Variants in IMPACT observed in about 807,000 individuals in gnomAD.
IMPACT encodes impact RWD domain protein, also known as protein IMPACT.
IMPACT carries 35 observed loss-of-function variants against 47.5 expected under a neutral mutation model. The observed-to-expected ratio is 0.74, with a 90% CI of 0.56 to 0.98. The LOEUF (loss-of-function observed/expected upper bound fraction) is 0.98, where lower values mean the gene tolerates loss of function less well. IMPACT is among the 50% of genes least tolerant of loss of function. The probability of loss-of-function intolerance (pLI) is 0.00; values close to 1 mark genes in which losing one functional copy is unlikely to be tolerated. For missense variants in IMPACT, 373 were observed against 394.8 expected, an observed-to-expected ratio of 0.94 and a Z score of 0.47; for synonymous variants, 118 against 125.6, an observed-to-expected ratio of 0.94 and a Z score of 0.40.
At chr18:24,433,757 G>T (rs549724046) in intron 4 of IMPACT, among the ~76,000 whole-genome samples, 1 of 140,886 alleles carries the variant, frequency 7.1e-6, no homozygotes, top group African/African-American at 2.7e-5. Flanking sequence ...TGCAACCTCC[G>T]CCTCCCAGGT....
Position 24,449,837 on chromosome 18 carries a change from G to T in IMPACT, c.778G>T (p.Val260Phe), listed in dbSNP as rs767855847. ...ATAACAGATTTTGAATGTGAAGAATGTCATGGTGGTAGTATCACGCTGGTA... is the reference window on the plus strand; with the variant it reads ...ATAACAGATTTTGAATGTGAAGAATTTCATGGTGGTAGTATCACGCTGGTA... ...HLMEILNVKNVMVVVSRWYGG... is the reference protein window; with the variant it reads ...HLMEILNVKNFMVVVSRWYGG... Residue 260 changes from valine (V) to phenylalanine (F), a missense_variant, in exon 10 of 11, where the codon GTC (valine) becomes TTC (phenylalanine). Physicochemically the swap from Val to Phe is conservative, Grantham distance 50. Coordinates refer to ENST00000284202, the MANE Select transcript of IMPACT (RefSeq NM_018439.4). 1.9e-6 allele frequency: 3 copies of T among 1,612,658 alleles called. No individual in the cohort carries two copies. The highest frequency in any genetic ancestry group is 2.5e-6 in the Non-Finnish European group (3 of 1,179,368).
At position 24,434,341 on chromosome 18, in the gene IMPACT, A is replaced by G. The variant is rs147309459; in HGVS notation, c.282-3614A>G. ...AGAGTGAGACTCTGTCTCAAAAATA[A>G]ATATATAAAAAGTAAGCCTGTGAAG... On this transcript the variant is annotated intron_variant, in intron 4 of 10. Transcript: ENST00000284202. 8.6e-3 allele frequency among the ~76,000 whole-genome samples: 1,305 copies of G among 152,246 alleles called. 6 individuals carry two copies. Among genetic ancestry groups the G allele is most frequent in the Non-Finnish European group, 0.013 (894 of 68,012 alleles).
At chr18:24,433,330 G>A (rs1210136694) in intron 4 of IMPACT, among the ~76,000 whole-genome samples, 1 of 149,620 alleles carries the variant, frequency 6.7e-6, no homozygotes, top group Non-Finnish European at 1.5e-5. Context: ...CTCCCGAGTA[G>A]CTGGGACTAC....
intron 7 of IMPACT, among the ~76,000 whole-genome samples, chr18:24,444,589 G>A (rs1909201612): frequency 6.6e-6 from 1 of 152,074 alleles, no homozygotes; most frequent in South Asian, 2.1e-4. Context: ...TTGTAATATG[G>A]CCCTAGCTTA....
At chr18:24,450,423 T>G (rs970700354) in intron 10 of IMPACT, among the ~76,000 whole-genome samples, 5 of 152,184 alleles carry the variant, frequency 3.3e-5, no homozygotes, top group Admixed American at 6.5e-5. Context: ...TTATTTTGTT[T>G]TATATTTTAG....
chr18:24,452,303 T>G lies in IMPACT; in HGVS notation c.*1456T>G, dbSNP rs1375012889. On this transcript the variant is annotated 3_prime_UTR_variant, in exon 11 of 11. Transcript: ENST00000284202. ...TATTTGTTATAACTATATTTTATGTTGTATGTTATCAGGAGCCATCAGAGA... is the reference window on the plus strand; with the variant it reads ...TATTTGTTATAACTATATTTTATGTGGTATGTTATCAGGAGCCATCAGAGA... 4 of 152,208 alleles carry G rather than the reference T, an allele frequency of 2.6e-5. No homozygotes were observed. The highest frequency in any genetic ancestry group is 9.7e-5 in the African/African-American group (4 of 41,450). 9.4% of individuals were successfully genotyped at this position (152,208 alleles called of 1,614,324 possible). A position where few individuals can be genotyped will look rare whatever the true frequency, so the allele number is the denominator to read the frequency against.
Position 24,450,050 on chromosome 18 carries a change from G to A in IMPACT, c.894+97G>A, listed in dbSNP as rs141052709. On this transcript the variant is annotated intron_variant, in intron 10 of 10. Transcript: ENST00000284202. The stretch of plus-strand genomic sequence containing the variant: ...ATTAAGAATGAATCAGAATGTGAGT[G>A]GTGAATTGGTAAAACCTTTGGACTC... 16 of 1,311,544 alleles carry A rather than the reference G, an allele frequency of 1.2e-5. No homozygotes were observed. The African/African-American group carries it at 2.0e-4, about 17-fold the overall frequency. The allele number at this position is 1,311,544 out of a possible 1,614,324, so 81.2% of individuals were successfully genotyped here.
In IMPACT at chr18:24,449,690, C is replaced by T. The variant is rs1020290932; in HGVS notation, c.760-129C>T. ...ACTCAGTGCCTACTCACTCATATGG[C>T]TCTACCATTAAAGTCACTGGGAAAT... is the stretch of plus-strand genomic sequence containing the variant. On this transcript the variant is annotated intron_variant, in intron 9 of 10. Transcript: ENST00000284202. The T allele has an allele frequency of 4.1e-6, 3 of 733,752 alleles. No homozygotes were observed. In the Admixed American group the frequency reaches 7.0e-5, roughly 17 times the overall value. The allele number at this position is 733,752 out of a possible 1,614,324, so 45.5% of individuals were successfully genotyped here.
Position 24,434,844 on chromosome 18 carries a change from GTGTGTATATATATGTGTATATATA to G in IMPACT, c.282-3069_282-3046del, listed in dbSNP as rs59404866. Among the ~76,000 whole-genome samples the G allele has an allele frequency of 5.4e-5, 7 of 128,886 alleles. 1 individual carries two copies. The East Asian group carries it at 6.1e-4, about 11-fold the overall frequency. 84.6% of individuals were successfully genotyped at this position (128,886 alleles called of 152,430 possible). ...GTGTATTATATAAGTGTATATATAT[GTGTGTATATATATGTGTATATATA>G]TGTGTATATATATGTGTATATATAT... is the stretch of plus-strand genomic sequence containing the variant. On this transcript the variant is annotated intron_variant, in intron 4 of 10. Coordinates refer to ENST00000284202, the MANE Select transcript of IMPACT (RefSeq NM_018439.4).
At chr18:24,438,106 C>G (rs1204171657) in intron 5 of IMPACT, 66 bp downstream of exon 5, 1 of 722,180 alleles carries the variant, frequency 1.4e-6, no homozygotes, top group Non-Finnish European at 2.4e-6. Flanking sequence ...TGTAGATACT[C>G]TAGTTGAAAT....
At chr18:24,446,723 A>C (rs1404464361) in intron 8 of IMPACT, among the ~76,000 whole-genome samples, 1 of 152,206 alleles carries the variant, frequency 6.6e-6, no homozygotes, top group Non-Finnish European at 1.5e-5. Context: ...TTTGTTATGT[A>C]ATTCCCCTCT....
chr18:24,429,966 A>G (rs1568084957), intron 3 of IMPACT, among the ~76,000 whole-genome samples: 2 of 151,854 alleles, frequency 1.3e-5, no homozygotes, highest in Non-Finnish European at 2.9e-5. Flanking sequence ...TTTAGTAGAG[A>G]CGGGGTTTCG....
chr18:24,439,360 G>A lies in IMPACT; in HGVS notation c.368-1136G>A, dbSNP rs546997761. 1.9e-3 allele frequency among the ~76,000 whole-genome samples: 291 copies of A among 152,208 alleles called. 1 individual carries two copies. The highest frequency in any genetic ancestry group is 3.5e-3 in the East Asian group (18 of 5,170). On this transcript the variant is annotated intron_variant, in intron 5 of 10. Transcript: ENST00000284202. ...AGCCTGGCCAACATGGTGAAACCCC[G>A]TCTCTACTAAAAATACAAGAATTAC...
chr18:24,446,071 A>G (rs995673487), intron 8 of IMPACT, among the ~76,000 whole-genome samples: 4 of 152,092 alleles, frequency 2.6e-5, no homozygotes, highest in African/African-American at 9.7e-5. Flanking sequence ...AATTTCTTGC[A>G]AAGGTTTTGT....
In IMPACT at chr18:24,426,726, G is replaced by C. The variant is rs936935773; in HGVS notation, c.-31G>C. 36 of 1,245,132 alleles carry C rather than the reference G, an allele frequency of 2.9e-5. No individual in the cohort carries two copies. The highest frequency in any genetic ancestry group is 3.1e-5 in the African/African-American group (2 of 64,396). 77.1% of individuals were successfully genotyped at this position (1,245,132 alleles called of 1,614,324 possible). A position where few individuals can be genotyped will look rare whatever the true frequency, so the allele number is the denominator to read the frequency against. ...CGCCCCCGCGCTCCGGACCTGGCAGGCGGCGGCTGCAGGGCAGGTCCAGGG... is the reference window on the plus strand; with the variant it reads ...CGCCCCCGCGCTCCGGACCTGGCAGCCGGCGGCTGCAGGGCAGGTCCAGGG... On this transcript the variant is annotated 5_prime_UTR_variant, in exon 1 of 11. Transcript: ENST00000284202.
chr18:24,429,243 G>T (rs1007407294), intron 3 of IMPACT, among the ~76,000 whole-genome samples: 1 of 152,080 alleles, frequency 6.6e-6, no homozygotes, highest in Non-Finnish European at 1.5e-5. Flanking sequence ...TCCTAACCTA[G>T]ATCTCCTGAC....
At chr18:24,450,406 T>C (rs552296448) in intron 10 of IMPACT, among the ~76,000 whole-genome samples, 1 of 152,182 alleles carries the variant, frequency 6.6e-6, no homozygotes, top group Non-Finnish European at 1.5e-5. Context: ...TCCTTTATAC[T>C]TTGAGTTTAT....
At chr18:24,436,499 G>C (rs954487249) in intron 4 of IMPACT, among the ~76,000 whole-genome samples, 1 of 150,188 alleles carries the variant, frequency 6.7e-6, no homozygotes, top group African/African-American at 2.4e-5. Context: ...CTCCTACGGT[G>C]CTGAGATTAC....
intron 7 of IMPACT, among the ~76,000 whole-genome samples, 159 bp from the exon 8 acceptor site, chr18:24,445,233 TA>T (rs1228002152): frequency 2.6e-5 from 4 of 152,170 alleles, no homozygotes; most frequent in African/African-American, 9.6e-5. Flanking sequence ...TCTCTGCCCC[TA>T]AAATGAGAAG....
Sources: gnomAD v4.1 joint callset for allele counts (sites outside exome capture counted in the v4.1 genomes callset) on GRCh38, gnomAD v4.1.1 for gene constraint, MANE v1.5 for transcripts, NCBI Gene and HGNC (gene_info 2026-07-23, HGNC 2026-07-21) for gene names.